SEMA3E: variants seen among roughly 807,000 people sequenced by gnomAD.
The protein encoded by SEMA3E is semaphorin 3E.
SEMA3E carries 49 observed loss-of-function variants against 93.6 expected under a neutral mutation model. The observed-to-expected ratio is 0.52, with a 90% CI of 0.42 to 0.66. The LOEUF (loss-of-function observed/expected upper bound fraction) is 0.66, where lower values mean the gene tolerates loss of function less well. Among genes scored for constraint, SEMA3E ranks in the 30% least tolerant of loss-of-function variants. The pLI, the probability that SEMA3E is intolerant of heterozygous loss-of-function variation, is 0.00. For synonymous variants in SEMA3E, 363 were observed against 330.7 expected, an observed-to-expected ratio of 1.10 and a Z score of -1.06; for missense variants, 906 against 964.8, an observed-to-expected ratio of 0.94 and a Z score of 0.81.
intron 1 of SEMA3E, among the ~76,000 whole-genome samples, chr7:83,629,754 C>T (rs1452854141): frequency 6.6e-6 from 1 of 152,170 alleles, no homozygotes; most frequent in Admixed American, 6.5e-5. Flanking sequence ...CTGAGCAAGA[C>T]TACTTGGCTC....
intron 16 of SEMA3E, chr7:83,371,908 AAC>A: frequency 5.5e-6 from 1 of 181,398 alleles, no homozygotes; most frequent in Admixed American, 6.2e-5. Context: ...TTCTTTTTGT[AAC>A]ACAATACCAT....
chr7:83,620,682 G>C lies in SEMA3E; in HGVS notation c.115+27746C>G, dbSNP rs940549884. 3.9e-5 allele frequency among the ~76,000 whole-genome samples: 6 copies of C among 152,202 alleles called. 1 individual carries two copies. Among genetic ancestry groups the C allele is most frequent in the Admixed American group, 3.9e-4 (6 of 15,268 alleles). ...CTTGGCTTCATCAGGGGGATGCAAG[G>C]TTGGTTCAACATATACAAATCAAAT... On this transcript the variant is annotated intron_variant, in intron 1 of 16. Coordinates refer to ENST00000643230, the MANE Select transcript of SEMA3E (RefSeq NM_012431.3).
At chr7:83,535,577 AC>A (rs1791395734) in intron 1 of SEMA3E, among the ~76,000 whole-genome samples, 1 of 152,040 alleles carries the variant, frequency 6.6e-6, no homozygotes, top group Non-Finnish European at 1.5e-5. Context: ...CCTATCAATG[AC>A]CCTGAGAATC....
chr7:83,491,916 G>A (rs1179799848), intron 1 of SEMA3E, among the ~76,000 whole-genome samples: 6 of 152,024 alleles, frequency 3.9e-5, no homozygotes, highest in Non-Finnish European at 8.8e-5. Context: ...CATACAGCAA[G>A]AGAAGCACAG....
chr7:83,558,677 C>A (rs1791968435), intron 1 of SEMA3E, among the ~76,000 whole-genome samples: 1 of 151,774 alleles, frequency 6.6e-6, no homozygotes, highest in African/African-American at 2.4e-5. Context: ...AAAAATATGG[C>A]TAAGAAGCAA....
At chr7:83,501,724 A>T (rs571273455) in intron 1 of SEMA3E, among the ~76,000 whole-genome samples, 2 of 152,316 alleles carry the variant, frequency 1.3e-5, no homozygotes, top group Non-Finnish European at 2.9e-5. Flanking sequence ...TTGTTAATAC[A>T]TATATAACTT....
chr7:83,617,639 T>C (rs896374146), intron 1 of SEMA3E, among the ~76,000 whole-genome samples: 12 of 146,784 alleles, frequency 8.2e-5, no homozygotes, highest in Non-Finnish European at 1.5e-4. Context: ...TTTATATAAA[T>C]AATATAATTT....
chr7:83,569,485 G>C (rs1317929970), intron 1 of SEMA3E, among the ~76,000 whole-genome samples: 2 of 152,074 alleles, frequency 1.3e-5, no homozygotes, highest in Non-Finnish European at 2.9e-5. Flanking sequence ...CTATCTTCAA[G>C]AGACCCATCT....
intron 1 of SEMA3E, chr7:83,612,752 T>C (rs1262452894): frequency 2.0e-5 from 3 of 152,166 alleles, no homozygotes; most frequent in Non-Finnish European, 4.4e-5. Flanking sequence ...AAGCCCACAC[T>C]TGCCCTTGGG....
At chr7:83,489,458 TAAAG>T (rs1478198244) in intron 2 of SEMA3E, among the ~76,000 whole-genome samples, 2 of 141,710 alleles carry the variant, frequency 1.4e-5, no homozygotes, top group Middle Eastern at 3.4e-3. Flanking sequence ...AAATCAATTA[TAAAG>T]AAAGTGTATT....
intron 4 of SEMA3E, among the ~76,000 whole-genome samples, chr7:83,434,224 G>T (rs1788950185): frequency 6.6e-6 from 1 of 151,804 alleles, no homozygotes. Context: ...TTCATATATT[G>T]CTCTTACTTA....
At chr7:83,629,020 G>A (rs1793730689) in intron 1 of SEMA3E, among the ~76,000 whole-genome samples, 1 of 152,086 alleles carries the variant, frequency 6.6e-6, no homozygotes. Context: ...CTGCTTGGGA[G>A]TTTTCTTTCT....
intron 4 of SEMA3E, among the ~76,000 whole-genome samples, chr7:83,458,973 GTA>G (rs71074661): frequency 3.6e-5 from 5 of 140,626 alleles, no homozygotes; most frequent in African/African-American, 1.1e-4. Context: ...GTGTGTGTGT[GTA>G]TATATATATA....
intron 4 of SEMA3E, among the ~76,000 whole-genome samples, chr7:83,440,081 T>A (rs1789082221): frequency 6.6e-6 from 1 of 152,218 alleles, no homozygotes; most frequent in Non-Finnish European, 1.5e-5. Context: ...AAAATGTTTT[T>A]TTTCTAAATA....
At chr7:83,593,894 T>C (rs1792812882) in intron 1 of SEMA3E, among the ~76,000 whole-genome samples, 1 of 152,162 alleles carries the variant, frequency 6.6e-6, no homozygotes, top group Admixed American at 6.6e-5. Context: ...AACTGGAAGT[T>C]GGCTTCTTTT....
At chr7:83,646,040 G>C (rs550314027) in intron 1 of SEMA3E, among the ~76,000 whole-genome samples, 2 of 152,068 alleles carry the variant, frequency 1.3e-5, no homozygotes, top group Admixed American at 1.3e-4. Context: ...ACTGTGAAAA[G>C]AATTTCTGAA....
chr7:83,392,598 T>C lies in SEMA3E; in HGVS notation c.1624A>G (p.Ile542Val), dbSNP rs748438909. ...GTTGGGTAATACCGGGAGCAGGATA[T>C]GCCATCCCAGGCACAGTAAGGGTCT... is the stretch of plus-strand genomic sequence containing the variant. ...ARDPYCAWDGISCSRYYPTGT... is the reference protein window; with the variant it reads ...ARDPYCAWDGVSCSRYYPTGT... The change falls in exon 14 of 17, where the codon ATA (isoleucine) becomes GTA (valine). Residue 542 changes from isoleucine (I) to valine (V), a missense_variant. Ile to Val is a conservative substitution (Grantham distance 29). Transcript: ENST00000643230. 1.2e-6 allele frequency: 2 copies of C among 1,613,702 alleles called. No homozygotes were observed. Among genetic ancestry groups the C allele is most frequent in the South Asian group, 1.1e-5 (1 of 91,074 alleles).
chr7:83,371,444 T>G (rs1794747717), intron 16 of SEMA3E: 1 of 152,164 alleles, frequency 6.6e-6, no homozygotes. Flanking sequence ...GAGATACATA[T>G]TTCAGTAAAA....
In SEMA3E at chr7:83,482,975, A is replaced by G. The variant is rs910147612; in HGVS notation, c.276+7139T>C. Reference sequence around the variant, plus strand: ...TGGTGGACAAGTAGAGATTAGGCTAAGAAGGTAGAGGAGAGTAAGTCATGA... The same window carrying G: ...TGGTGGACAAGTAGAGATTAGGCTAGGAAGGTAGAGGAGAGTAAGTCATGA... On this transcript the variant is annotated intron_variant, in intron 2 of 16. Transcript: ENST00000643230. 1.2e-4 allele frequency among the ~76,000 whole-genome samples: 19 copies of G among 152,276 alleles called. 1 individual carries two copies. The highest frequency in any genetic ancestry group is 5.9e-5 in the Non-Finnish European group (4 of 68,030).
Sources: gnomAD v4.1 joint callset for allele counts (sites outside exome capture counted in the v4.1 genomes callset) on GRCh38, gnomAD v4.1.1 for gene constraint, MANE v1.5 for transcripts, NCBI Gene and HGNC (gene_info 2026-07-23, HGNC 2026-07-21) for gene names.